The following CACNA1H variants were observed in gnomAD, a reference collection of about 807,000 sequenced individuals.
CACNA1H encodes voltage-dependent T-type calcium channel subunit alpha-1H.
CACNA1H carries 149 observed loss-of-function variants against 192.5 expected under a neutral mutation model. The observed-to-expected ratio is 0.77, with a 90% CI of 0.68 to 0.89. The LOEUF (loss-of-function observed/expected upper bound fraction) is 0.89. Among genes scored for constraint, CACNA1H ranks in the 40% least tolerant of loss-of-function variants. The pLI is 0.00. For missense variants in CACNA1H, 4,257 were observed against 3,423.5 expected (o/e 1.24, Z -6.08); for synonymous variants, 2,202 against 1,475.2 (o/e 1.49, Z -11.29).
intron 26 of CACNA1H, among the ~76,000 whole-genome samples, chr16:1,213,042 C>T (rs2738901): frequency 0.54 from 82,829 of 152,072 alleles, 23,221 homozygotes; most frequent in East Asian, 0.84. Flanking sequence ...CGCGGGAGCT[C>T]CTCCTCGTAC....
chr16:1,215,619 G>A (rs1454545153), intron 30 of CACNA1H, 26 bp downstream of exon 30: 2 of 1,597,956 alleles, frequency 1.3e-6, no homozygotes, highest in South Asian at 1.1e-5. Context: ...GCCATCCTCA[G>A]CGCAGGCCCC....
chr16:1,183,978 G>A (rs1965733330), intron 2 of CACNA1H, among the ~76,000 whole-genome samples: 1 of 152,242 alleles, frequency 6.6e-6, no homozygotes. Context: ...GTCTGCCTCG[G>A]CAGCTGTGGC....
intron 2 of CACNA1H, among the ~76,000 whole-genome samples, chr16:1,158,582 AC>A (rs1343007697): frequency 6.6e-6 from 1 of 152,070 alleles, no homozygotes; most frequent in African/African-American, 2.4e-5. Context: ...GGCTGAGCTC[AC>A]CCTCCGGGTC....
chr16:1,192,332 G>A (rs990161324), intron 2 of CACNA1H, among the ~76,000 whole-genome samples: 2 of 152,208 alleles, frequency 1.3e-5, no homozygotes, highest in African/African-American at 4.8e-5. Flanking sequence ...TAGGCACTGG[G>A]TGCCACCCAC....
At chr16:1,211,838 A>G in intron 24 of CACNA1H, 33 bp downstream of exon 24, 1 of 1,609,608 alleles carries the variant, frequency 6.2e-7, no homozygotes, top group Non-Finnish European at 8.5e-7. Context: ...GGGTCACCTC[A>G]GGGTCTCCCG....
intron 2 of CACNA1H, among the ~76,000 whole-genome samples, chr16:1,187,409 G>C (rs1966181448): frequency 6.6e-6 from 1 of 152,224 alleles, no homozygotes; most frequent in South Asian, 2.1e-4. Flanking sequence ...GGTCCTGAGT[G>C]GGGGGCTGTG....
intron 21 of CACNA1H, 38 bp downstream of exon 21, chr16:1,211,009 A>G: frequency 1.3e-6 from 2 of 1,581,540 alleles, no homozygotes; most frequent in Non-Finnish European, 1.7e-6. Context: ...GCAACCTGGA[A>G]GCACAGTCCC....
Position 1,210,770 on chromosome 16 carries a change from C to T in CACNA1H, c.4039-17C>T, listed in dbSNP as rs775820161. 2.1e-5 allele frequency: 33 copies of T among 1,598,744 alleles called. No homozygotes were observed. The East Asian group carries it at 4.2e-4, about 21-fold the overall frequency. ...CCCACGCCTGAGCCTGAGCTCAGTG[C>T]CATTGGCCCTCCGCAGGTGGTGGCC... On this transcript the variant is annotated splice_polypyrimidine_tract_variant and intron_variant, in intron 20 of 34. Transcript: ENST00000348261.
rs988362133 is a variant in CACNA1H, at chr16:1,221,633, G to A, written c.*639G>A. 4.5e-5 allele frequency: 38 copies of A among 850,200 alleles called. No individual in the cohort carries two copies. The highest frequency in any genetic ancestry group is 3.3e-4 in the African/African-American group (19 of 58,186). 52.7% of individuals were successfully genotyped at this position (850,200 alleles called of 1,614,324 possible). The stretch of plus-strand genomic sequence containing the variant: ...CCCTACATCTGGGGGCGTTGGCCGC[G>A]AGATTCCCATTGACACCTTTGTTTC... On this transcript the variant is annotated 3_prime_UTR_variant, in exon 35 of 35. Coordinates refer to ENST00000348261, the MANE Select transcript of CACNA1H (RefSeq NM_021098.3).
chr16:1,198,351 T>TGGAGGTGG (rs2141218322), intron 5 of CACNA1H, among the ~76,000 whole-genome samples: 1 of 152,232 alleles, frequency 6.6e-6, no homozygotes, highest in Admixed American at 6.5e-5. Flanking sequence ...CTGGGATGGT[T>TGGAGGTGG]GGAGGTGGAG....
rs1968846162 is a variant in CACNA1H, at chr16:1,207,260, C to T, written c.2908-15C>T. On this transcript the variant is annotated splice_polypyrimidine_tract_variant and intron_variant, in intron 13 of 34. Transcript: ENST00000348261. ...GGGCTGGGGTGACCACCCCAGGCCC[C>T]CTGCTATCCCCCAGATCCTGACCCA... 1.3e-6 allele frequency: 2 copies of T among 1,596,276 alleles called. No homozygotes were observed. The highest frequency in any genetic ancestry group is 1.3e-5 in the African/African-American group (1 of 74,456).
At chr16:1,213,645 G>A (rs1969719485) in intron 26 of CACNA1H, 135 bp from the exon 27 acceptor site, 2 of 593,698 alleles carry the variant, frequency 3.4e-6, no homozygotes, top group African/African-American at 1.9e-5. Context: ...GGCAGGGCCA[G>A]CCCCATCTTC....
At chr16:1,204,637 G>A (rs998994617) in intron 10 of CACNA1H, among the ~76,000 whole-genome samples, 179 bp downstream of exon 10, 3 of 152,222 alleles carry the variant, frequency 2.0e-5, no homozygotes, top group African/African-American at 7.2e-5. Context: ...CACTGGAGGG[G>A]ATCTCCTTGG....
Position 1,195,040 on chromosome 16 carries a change from G to C in CACNA1H, c.368G>C (p.Cys123Ser). The change falls in exon 3 of 35, where the codon TGT becomes TCT. Residue 123 changes from cysteine to serine, a missense_variant. Cys to Ser is a moderately radical substitution (Grantham distance 112, BLOSUM62 -1). Coordinates refer to ENST00000348261, the MANE Select transcript of CACNA1H (RefSeq NM_021098.3). ...NCVTLGMFRP[C>S]EDVECGSERC... is the part of the protein sequence containing the mutation. The stretch of plus-strand genomic sequence containing the variant: ...GTGACCCTGGGCATGTTCCGGCCCT[G>C]TGAGGACGTTGAGTGCGGCTCCGAG... The C allele has an allele frequency of 6.2e-7, 1 of 1,611,578 alleles. No individual in the cohort carries two copies. Among genetic ancestry groups the C allele is most frequent in the Non-Finnish European group, 8.5e-7 (1 of 1,179,008 alleles).
Position 1,215,088 on chromosome 16 carries a change from G to T in CACNA1H, c.5039+7G>T, listed in dbSNP as rs377110506. 1.1e-5 allele frequency: 17 copies of T among 1,608,818 alleles called. No homozygotes were observed. The highest frequency in any genetic ancestry group is 1.4e-5 in the Non-Finnish European group (16 of 1,177,228). ...GTCGGTTCTTCAAGGACAGGTGTGT[G>T]TGGTGGGGCCGTCTTGGGTTCTGGG... On this transcript the variant is annotated splice_region_variant and intron_variant, in intron 28 of 34. Coordinates refer to ENST00000348261, the MANE Select transcript of CACNA1H (RefSeq NM_021098.3).
chr16:1,206,362 C>A, intron 12 of CACNA1H, 73 bp downstream of exon 12: 2 of 1,424,094 alleles, frequency 1.4e-6, no homozygotes, highest in Admixed American at 2.1e-5. Flanking sequence ...GCCCAGGGCA[C>A]CCCCCGAAGG....
intron 17 of CACNA1H, among the ~76,000 whole-genome samples, chr16:1,209,637 C>T (rs1307503030): frequency 6.6e-6 from 1 of 152,230 alleles, no homozygotes; most frequent in East Asian, 1.9e-4. Context: ...GAGCTAAACG[C>T]TCCACGCACG....
At chr16:1,211,082 C>G in intron 21 of CACNA1H, 86 bp from the exon 22 acceptor site, 1 of 1,569,526 alleles carries the variant, frequency 6.4e-7, no homozygotes, top group Non-Finnish European at 8.6e-7. Context: ...CCCACTCGGC[C>G]CCACCTTGGG....
chr16:1,209,862 G>A (rs1199280836), intron 17 of CACNA1H, among the ~76,000 whole-genome samples, 173 bp from the exon 18 acceptor site: 4 of 152,212 alleles, frequency 2.6e-5, no homozygotes, highest in African/African-American at 4.8e-5. Flanking sequence ...GAGGCTCCAC[G>A]GTATGGGCCC....
Sources: allele counts gnomAD v4.1 joint callset (sites outside exome capture counted in the v4.1 genomes callset), GRCh38; gene constraint gnomAD v4.1.1; transcripts MANE v1.5; gene names NCBI Gene and HGNC (gene_info 2026-07-23, HGNC 2026-07-21).